Variants in XIRP2 observed in about 807,000 individuals in gnomAD.
The protein encoded by XIRP2 is xin actin binding repeat containing 2, also known as xin actin-binding repeat-containing protein 2.
A neutral mutation model predicts 277.0 loss-of-function variants in XIRP2; 236 were observed. The observed-to-expected ratio is 0.85, with a 90% confidence interval of 0.77 to 0.95. The LOEUF (loss-of-function observed/expected upper bound fraction) is 0.95, where lower values mean the gene tolerates loss of function less well. Ranked by LOEUF, XIRP2 falls within the 40% of genes least tolerant of loss-of-function variation. XIRP2 has a pLI of 0.00. For missense variants in XIRP2, 4,640 were observed against 4,157.5 expected (o/e 1.12, Z -3.19); for synonymous variants, 1,490 against 1,416.5 (o/e 1.05, Z -1.17).
At chr2:167,010,302 C>T (rs1574158855) in intron 2 of XIRP2, among the ~76,000 whole-genome samples, 1 of 151,430 alleles carries the variant, frequency 6.6e-6, no homozygotes, top group Non-Finnish European at 1.5e-5. Context: ...AGCCAGTTTT[C>T]CCAGCACCAT....
chr2:167,249,669 ATG>A lies in XIRP2; in HGVS notation c.8279_8280del (p.Cys2760Ter). 6.2e-7 allele frequency: 1 copy of A among 1,613,536 alleles called. No individual in the cohort carries two copies. Among genetic ancestry groups the A allele is most frequent in the Non-Finnish European group, 8.5e-7 (1 of 1,179,740 alleles). The part of the protein sequence containing the change: ...KTKKTEASTE[C>X]SHKQSLAERH... Reference sequence around the variant, plus strand: ...CCAAGAAAACTGAAGCAAGCACTGAATGTAGTCATAAGCAATCTCTGGCTGAA... The same window carrying A: ...CCAAGAAAACTGAAGCAAGCACTGAATAGTCATAAGCAATCTCTGGCTGAA... On this transcript the variant is annotated frameshift_variant, in exon 9 of 11. Coordinates refer to ENST00000409195, the MANE Select transcript of XIRP2 (RefSeq NM_152381.6). LOFTEE classifies it high-confidence loss of function.
At chr2:167,192,318 C>A (rs1183405168) in intron 3 of XIRP2, among the ~76,000 whole-genome samples, 1 of 152,012 alleles carries the variant, frequency 6.6e-6, no homozygotes, top group East Asian at 1.9e-4. Context: ...CATTTAATTG[C>A]TTTGTAACTT....
At chr2:166,914,999 T>TA (rs1484146277) in intron 2 of XIRP2, among the ~76,000 whole-genome samples, 3 of 151,910 alleles carry the variant, frequency 2.0e-5, no homozygotes, top group South Asian at 2.1e-4. Flanking sequence ...GTTTGTTTTT[T>TA]AAAAAAAGAC....
intron 2 of XIRP2, among the ~76,000 whole-genome samples, chr2:166,978,221 T>C (rs1686767122): frequency 1.3e-5 from 2 of 152,176 alleles, no homozygotes; most frequent in South Asian, 4.1e-4. Flanking sequence ...CACTCTATTC[T>C]GTTTCACTAA....
In XIRP2 at chr2:167,023,556, C is replaced by T. The variant is rs572063241; in HGVS notation, c.409-112353C>T. Among the ~76,000 whole-genome samples, 488 of 152,164 alleles carry T rather than the reference C, an allele frequency of 3.2e-3. 4 individuals are homozygous for T. Among genetic ancestry groups the T allele is most frequent in the African/African-American group, 0.011 (462 of 41,500 alleles). ...ATGCCTATGTCCTGAATGGTAATGC[C>T]TAGGTTTTCTTCTAGGGTTTTTATG... On this transcript the variant is annotated intron_variant, in intron 2 of 10. Transcript: ENST00000409195.
chr2:167,024,995 T>C (rs1302236789), intron 2 of XIRP2, among the ~76,000 whole-genome samples: 3 of 152,160 alleles, frequency 2.0e-5, no homozygotes, highest in African/African-American at 4.8e-5. Flanking sequence ...GATTCCCTCT[T>C]TTTCTATTGA....
At chr2:167,119,469 C>A (rs942582702) in intron 2 of XIRP2, among the ~76,000 whole-genome samples, 3 of 152,150 alleles carry the variant, frequency 2.0e-5, no homozygotes, top group African/African-American at 7.2e-5. Context: ...GACTTATTTG[C>A]AAGTTCAACA....
intron 3 of XIRP2, among the ~76,000 whole-genome samples, chr2:167,198,760 C>T (rs1443205143): frequency 2.0e-5 from 3 of 152,176 alleles, no homozygotes; most frequent in Non-Finnish European, 4.4e-5. Flanking sequence ...ATTATTTCAG[C>T]ATTTTCACTT....
At chr2:167,013,979 T>C (rs1406392522) in intron 2 of XIRP2, among the ~76,000 whole-genome samples, 2 of 151,050 alleles carry the variant, frequency 1.3e-5, no homozygotes, top group Non-Finnish European at 3.0e-5. Flanking sequence ...TGGAACAAAC[T>C]GAATGCAAAT....
At position 167,251,092 on chromosome 2, in the gene XIRP2, T is replaced by C. The variant is rs1231313686; in HGVS notation, c.9700T>C (p.Ser3234Pro). The C allele has an allele frequency of 1.9e-6, 3 of 1,613,598 alleles. No individual in the cohort carries two copies. The highest frequency in any genetic ancestry group is 1.7e-6 in the Non-Finnish European group (2 of 1,179,748). ...TAAGATAGAAACTCGTGGTAGGGAC[T>C]CTCCACCTACAATCACAATACCAGT... The part of the protein sequence containing the change: ...QIKIETRGRD[S>P]PPTITIPVNI... Residue 3234 changes from serine (S) to proline (P), a missense_variant, in exon 9 of 11, where the codon TCT becomes CCT. Physicochemically the swap from Ser to Pro is moderately conservative, Grantham distance 74 (BLOSUM62 -1). Coordinates refer to ENST00000409195, the MANE Select transcript of XIRP2 (RefSeq NM_152381.6).
chr2:166,918,142 T>A (rs1236025044), intron 2 of XIRP2, among the ~76,000 whole-genome samples: 1 of 152,188 alleles, frequency 6.6e-6, no homozygotes, highest in Non-Finnish European at 1.5e-5. Flanking sequence ...TACTGTGTGA[T>A]CACTTAGGTG....
Position 167,247,844 on chromosome 2 carries a change from A to C in XIRP2, c.6452A>C (p.Lys2151Thr). The C allele has an allele frequency of 6.2e-7, 1 of 1,613,504 alleles. No homozygotes were observed. The highest frequency in any genetic ancestry group is 8.5e-7 in the Non-Finnish European group (1 of 1,179,704). Reference protein sequence around the residue: ...IKSPKKTKNIKILTDTQSSKP... With the variant: ...IKSPKKTKNITILTDTQSSKP... The stretch of plus-strand genomic sequence containing the variant: ...AGTCCTAAAAAGACCAAAAATATTA[A>C]AATATTAACTGATACACAAAGCTCC... The change falls in exon 9 of 11, where the codon AAA (lysine) becomes ACA (threonine). Residue 2151 changes from lysine (K) to threonine (T), a missense_variant. By Grantham distance (78) the Lys-to-Thr change is moderately conservative (BLOSUM62 -1). Transcript: ENST00000409195.
intron 2 of XIRP2, among the ~76,000 whole-genome samples, chr2:166,935,040 A>G (rs1033509997): frequency 6.6e-6 from 1 of 151,894 alleles, no homozygotes; most frequent in African/African-American, 2.4e-5. Context: ...CAGAAAAAAA[A>G]AAAGCACAAT....
intron 2 of XIRP2, among the ~76,000 whole-genome samples, chr2:167,097,121 A>T (rs140823522): frequency 0.011 from 1,719 of 152,226 alleles, 35 homozygotes; most frequent in African/African-American, 0.039. Context: ...TGCCTCTTTG[A>T]TCTGTCTAAT....
intron 2 of XIRP2, among the ~76,000 whole-genome samples, chr2:167,008,723 A>G (rs931491767): frequency 3.3e-5 from 5 of 151,686 alleles, no homozygotes; most frequent in Non-Finnish European, 5.9e-5. Flanking sequence ...ACCTGAAACT[A>G]AATAAGTACA....
chr2:167,092,471 C>T (rs77611225), intron 2 of XIRP2, among the ~76,000 whole-genome samples: 3,218 of 152,076 alleles, frequency 0.021, 35 homozygotes, highest in Non-Finnish European at 0.033. Flanking sequence ...AAAAGCCATC[C>T]CACCAACTAA....
chr2:167,211,823 T>A (rs1417931338), intron 4 of XIRP2, among the ~76,000 whole-genome samples: 2 of 152,224 alleles, frequency 1.3e-5, no homozygotes, highest in East Asian at 3.9e-4. Flanking sequence ...AGACCACCAA[T>A]TTTTAGAGCC....
At chr2:167,073,488 G>A (rs1360592796) in intron 2 of XIRP2, among the ~76,000 whole-genome samples, 1 of 151,954 alleles carries the variant, frequency 6.6e-6, no homozygotes, top group East Asian at 1.9e-4. Flanking sequence ...ATTTCAGTGG[G>A]TCTGTCACTT....
chr2:167,116,910 C>T (rs756966277), intron 2 of XIRP2, among the ~76,000 whole-genome samples: 14 of 152,060 alleles, frequency 9.2e-5, no homozygotes, highest in African/African-American at 2.4e-4. Context: ...AGAAGGCTTA[C>T]GAGTATTAAT....
Sources: allele counts gnomAD v4.1 joint callset (sites outside exome capture counted in the v4.1 genomes callset), GRCh38; gene constraint gnomAD v4.1.1; transcripts MANE v1.5; gene names NCBI Gene and HGNC (gene_info 2026-07-23, HGNC 2026-07-21).